Variants in FILIP1L observed in about 807,000 individuals in gnomAD.
The protein encoded by FILIP1L is filamin A interacting protein 1 like.
In FILIP1L, 55 loss-of-function variants were observed where a neutral mutation model predicts 96.6. That is an observed-to-expected ratio of 0.57 (90% CI 0.46 to 0.71). FILIP1L has a LOEUF of 0.71. FILIP1L is among the 30% of genes least tolerant of loss of function. The probability of loss-of-function intolerance (pLI) is 0.00; values close to 1 mark genes in which losing one functional copy is unlikely to be tolerated. For missense variants in FILIP1L, 1,304 were observed against 1,321.2 expected (o/e 0.99, Z 0.20); for synonymous variants, 467 against 473.9 (o/e 0.99, Z 0.19).
intron 1 of FILIP1L, among the ~76,000 whole-genome samples, chr3:100,020,250 A>G (rs1198969695): frequency 6.6e-6 from 1 of 152,082 alleles, no homozygotes; most frequent in East Asian, 1.9e-4. Flanking sequence ...AATTTACTTC[A>G]CTATTCTGCA....
intron 4 of FILIP1L, among the ~76,000 whole-genome samples, chr3:99,880,223 CTTCACTCTTCT>C (rs548251090): frequency 2.9e-3 from 447 of 152,292 alleles, no homozygotes; most frequent in Non-Finnish European, 5.0e-3. Context: ...AACCTCATTT[CTTCACTCTTCT>C]TTCACTCTTC....
chr3:99,972,861 T>C (rs1245041696), intron 1 of FILIP1L, among the ~76,000 whole-genome samples: 3 of 152,246 alleles, frequency 2.0e-5, no homozygotes, highest in Non-Finnish European at 4.4e-5. Flanking sequence ...TTTGGAACTT[T>C]TTCTTTCATG....
At chr3:99,832,733 T>TG (rs112101348) in intron 5 of FILIP1L, among the ~76,000 whole-genome samples, 107,842 of 146,376 alleles carry the variant, frequency 0.74, 40,338 homozygotes, top group African/African-American at 0.88. Flanking sequence ...CCCAGCTACT[T>TG]GGAGGCTAAG....
intron 5 of FILIP1L, among the ~76,000 whole-genome samples, chr3:99,844,489 G>A (rs1456144837): frequency 2.6e-5 from 4 of 152,214 alleles, no homozygotes; most frequent in African/African-American, 9.6e-5. Flanking sequence ...TAATTTAAAG[G>A]TCTTTCCCTG....
At chr3:100,092,363 C>T (rs1220778065) in intron 1 of FILIP1L, among the ~76,000 whole-genome samples, 1 of 151,900 alleles carries the variant, frequency 6.6e-6, no homozygotes, top group East Asian at 1.9e-4. Flanking sequence ...CTGTTTACCC[C>T]AAAGACAATG....
At chr3:99,960,891 G>C (rs562095644) in intron 1 of FILIP1L, among the ~76,000 whole-genome samples, 58 of 152,178 alleles carry the variant, frequency 3.8e-4, no homozygotes, top group Non-Finnish European at 7.6e-4. Flanking sequence ...AATGTACTCT[G>C]TGTGTTTGGC....
intron 5 of FILIP1L, among the ~76,000 whole-genome samples, chr3:99,839,306 A>C (rs182675942): frequency 6.6e-6 from 1 of 152,290 alleles, no homozygotes; most frequent in Admixed American, 6.5e-5. Context: ...TAACATCTGC[A>C]TAGCTGCCTG....
intron 1 of FILIP1L, among the ~76,000 whole-genome samples, chr3:100,111,635 CAG>C: frequency 6.6e-6 from 1 of 152,024 alleles, no homozygotes; most frequent in East Asian, 1.9e-4. Context: ...TCAGATTAAA[CAG>C]AAAATCTTGA....
chr3:100,062,554 T>C (rs1409587932), intron 1 of FILIP1L, among the ~76,000 whole-genome samples: 2 of 152,108 alleles, frequency 1.3e-5, no homozygotes, highest in African/African-American at 2.4e-5. Flanking sequence ...GGCTCTGAAG[T>C]GCTTCTGTTT....
intron 1 of FILIP1L, among the ~76,000 whole-genome samples, chr3:100,032,626 G>T (rs548498416): frequency 6.6e-6 from 1 of 152,014 alleles, no homozygotes; most frequent in South Asian, 2.1e-4. Flanking sequence ...TGACATAAAG[G>T]CTATATTGAC....
At chr3:99,926,073 A>G (rs1335525069) in intron 3 of FILIP1L, among the ~76,000 whole-genome samples, 2 of 152,250 alleles carry the variant, frequency 1.3e-5, no homozygotes, top group African/African-American at 4.8e-5. Flanking sequence ...TGCCTTTGTC[A>G]TAAAAGATTT....
chr3:99,923,231 A>G (rs1707180533), intron 4 of FILIP1L, among the ~76,000 whole-genome samples: 1 of 152,156 alleles, frequency 6.6e-6, no homozygotes, highest in African/African-American at 2.4e-5. Context: ...CACCTGCTGC[A>G]GGTCCATATC....
intron 1 of FILIP1L, among the ~76,000 whole-genome samples, chr3:100,082,211 T>C (rs1045739017): frequency 6.6e-6 from 1 of 152,206 alleles, no homozygotes; most frequent in African/African-American, 2.4e-5. Context: ...GAGTCATATA[T>C]CATGAAGTGT....
chr3:99,906,539 C>G (rs1706624249), intron 4 of FILIP1L, among the ~76,000 whole-genome samples: 1 of 152,156 alleles, frequency 6.6e-6, no homozygotes, highest in South Asian at 2.1e-4. Context: ...TAAAGTCTTA[C>G]TTTTTTAACC....
In FILIP1L at chr3:100,111,143, C is replaced by T. The variant is rs1055107299; in HGVS notation, c.-11+2910G>A. ...GCTTATATCTCTTTTAGCAACTAAA[C>T]TGAATTTTCAAGGGCCAGAAGGAAG... On this transcript the variant is annotated intron_variant, in intron 1 of 5. Transcript: ENST00000477258. Among the ~76,000 whole-genome samples, 109 of 152,158 alleles carry T rather than the reference C, an allele frequency of 7.2e-4. 1 individual carries two copies. Among genetic ancestry groups the T allele is most frequent in the African/African-American group, 2.5e-3 (104 of 41,510 alleles).
At chr3:99,860,413 G>A (rs563617417) in intron 4 of FILIP1L, among the ~76,000 whole-genome samples, 38 of 152,222 alleles carry the variant, frequency 2.5e-4, no homozygotes, top group South Asian at 6.2e-4. Context: ...TCTAAAAAGC[G>A]GTACTGAAAT....
intron 5 of FILIP1L, among the ~76,000 whole-genome samples, chr3:99,831,220 C>T (rs1246593621): frequency 6.6e-6 from 1 of 152,100 alleles, no homozygotes; most frequent in South Asian, 2.1e-4. Context: ...TGACAACATG[C>T]TTTGTTAATG....
At chr3:99,842,953 T>TAG (rs1374400234) in intron 5 of FILIP1L, among the ~76,000 whole-genome samples, 1 of 152,222 alleles carries the variant, frequency 6.6e-6, no homozygotes, top group African/African-American at 2.4e-5. Context: ...GCTGCTCTGA[T>TAG]ATATTGACTG....
At chr3:99,938,500 A>G (rs892837118) in intron 1 of FILIP1L, among the ~76,000 whole-genome samples, 1 of 152,182 alleles carries the variant, frequency 6.6e-6, no homozygotes, top group Non-Finnish European at 1.5e-5. Flanking sequence ...TTAAATTTGA[A>G]TATATTTAAC....
Sources: gnomAD v4.1 joint callset for allele counts (sites outside exome capture counted in the v4.1 genomes callset) on GRCh38, gnomAD v4.1.1 for gene constraint, MANE v1.5 for transcripts, NCBI Gene and HGNC (gene_info 2026-07-23, HGNC 2026-07-21) for gene names.